The following COL15A1 variants were observed in gnomAD, a reference collection of about 807,000 sequenced individuals.
COL15A1 encodes the protein collagen type XV alpha 1 chain, also known as collagen alpha-1(XV) chain.
A neutral mutation model predicts 165.9 loss-of-function variants in COL15A1; 111 were observed. That is an observed-to-expected ratio of 0.67 (90% CI 0.57 to 0.78). The LOEUF is 0.78. Among genes scored for constraint, COL15A1 ranks in the 30% least tolerant of loss-of-function variants. COL15A1 has a pLI of 0.00. For missense variants in COL15A1, 1,745 were observed against 1,789.7 expected (o/e 0.98, Z 0.45); for synonymous variants, 659 against 674.8 (o/e 0.98, Z 0.36).
At chr9:98,993,455 T>A (rs1024307578) in intron 5 of COL15A1, among the ~76,000 whole-genome samples, 1 of 152,216 alleles carries the variant, frequency 6.6e-6, no homozygotes, top group Admixed American at 6.5e-5. Flanking sequence ...CGAGGCCTGA[T>A]GGTCCTGACC....
intron 2 of COL15A1, among the ~76,000 whole-genome samples, chr9:98,967,744 G>A (rs145766237): frequency 1.4e-3 from 207 of 152,298 alleles, no homozygotes; most frequent in African/African-American, 4.7e-3. Context: ...TGCACCAGAC[G>A]TCTGTGCTGC....
In COL15A1 at chr9:99,042,077, A is replaced by G. The variant is rs757213758; in HGVS notation, c.2544A>G (p.Leu848=). ...GAGGACCAAAAGGTGACACTGGTTTACCTGGCTTTCCAGGACTAAAAGGAG... is the reference window on the plus strand; with the variant it reads ...GAGGACCAAAAGGTGACACTGGTTTGCCTGGCTTTCCAGGACTAAAAGGAG... The part of the protein sequence containing the change: ...GPRGPKGDTG[L]PGFPGLKGEQ... The change falls in exon 24 of 42, where the codon TTA becomes TTG. Residue 848 remains leucine (L), a synonymous_variant. Coordinates refer to ENST00000375001, the MANE Select transcript of COL15A1 (RefSeq NM_001855.5). 2.5e-6 allele frequency: 4 copies of G among 1,612,142 alleles called. No individual in the cohort carries two copies. Among genetic ancestry groups the G allele is most frequent in the Non-Finnish European group, 3.4e-6 (4 of 1,178,812 alleles).
intron 8 of COL15A1, among the ~76,000 whole-genome samples, chr9:99,003,936 A>G (rs1335826183): frequency 6.6e-6 from 1 of 152,136 alleles, no homozygotes; most frequent in Non-Finnish European, 1.5e-5. Flanking sequence ...GGGGGCACAG[A>G]AGTTTCCTGG....
intron 2 of COL15A1, among the ~76,000 whole-genome samples, chr9:98,971,118 T>C (rs1375520955): frequency 6.6e-6 from 1 of 152,088 alleles, no homozygotes; most frequent in African/African-American, 2.4e-5. Flanking sequence ...CCCTGGAAAA[T>C]ACTGCTTGAA....
At chr9:99,027,960 T>G (rs1162475505) in intron 16 of COL15A1, among the ~76,000 whole-genome samples, 1 of 152,260 alleles carries the variant, frequency 6.6e-6, no homozygotes, top group Non-Finnish European at 1.5e-5. Context: ...TTCAGGGCTG[T>G]AGTAGATCAT....
At chr9:99,042,987 G>T (rs985617950) in intron 24 of COL15A1, among the ~76,000 whole-genome samples, 1 of 152,182 alleles carries the variant, frequency 6.6e-6, no homozygotes. Flanking sequence ...ATAGAAATAA[G>T]ATGAGGAAGA....
At chr9:99,050,976 T>A (rs1221834582) in intron 30 of COL15A1, among the ~76,000 whole-genome samples, 1 of 152,218 alleles carries the variant, frequency 6.6e-6, no homozygotes, top group Non-Finnish European at 1.5e-5. Context: ...ACTAACGGGC[T>A]CCAGGCTCTA....
chr9:99,049,084 C>G (rs1839541172), intron 28 of COL15A1, among the ~76,000 whole-genome samples: 1 of 152,232 alleles, frequency 6.6e-6, no homozygotes, highest in Admixed American at 6.5e-5. Context: ...AATACACTTT[C>G]TGCATGAACT....
Position 99,062,303 on chromosome 9 carries a change from A to G in COL15A1, c.3590A>G (p.Asn1197Ser). 6.2e-7 allele frequency: 1 copy of G among 1,609,014 alleles called. No individual in the cohort carries two copies. Among genetic ancestry groups the G allele is most frequent in the Non-Finnish European group, 8.5e-7 (1 of 1,175,222 alleles). ...DSPPPPALSSNPHQLLPPPNP... is the reference protein window; with the variant it reads ...DSPPPPALSSSPHQLLPPPNP... Reference sequence around the variant, plus strand: ...CCTCCACCCCCTGCGCTTTCCAGCAACGTGAGTAGTTACCCTGTTGGACTG... The same window carrying G: ...CCTCCACCCCCTGCGCTTTCCAGCAGCGTGAGTAGTTACCCTGTTGGACTG... The change falls in exon 38 of 42, where the codon AAC (asparagine) becomes AGC (serine). Residue 1197 changes from asparagine (N) to serine (S), a missense_variant and splice_region_variant. Physicochemically the swap from Asn to Ser is conservative, Grantham distance 46. Transcript: ENST00000375001.
chr9:99,045,902 G>C (rs912348980), intron 26 of COL15A1, among the ~76,000 whole-genome samples: 19 of 152,234 alleles, frequency 1.2e-4, no homozygotes, highest in Non-Finnish European at 2.2e-4. Context: ...TCACATTTCT[G>C]TAACAGACTT....
intron 2 of COL15A1, among the ~76,000 whole-genome samples, chr9:98,976,911 G>A (rs969077066): frequency 1.3e-5 from 2 of 152,180 alleles, no homozygotes; most frequent in Non-Finnish European, 2.9e-5. Flanking sequence ...AGGAGGTGAT[G>A]ACATTGAAGT....
intron 14 of COL15A1, among the ~76,000 whole-genome samples, chr9:99,024,003 C>T (rs566254636): frequency 6.6e-6 from 1 of 152,196 alleles, no homozygotes; most frequent in Non-Finnish European, 1.5e-5. Flanking sequence ...CTGAAATTGC[C>T]CCCTGGGGAG....
intron 24 of COL15A1, among the ~76,000 whole-genome samples, chr9:99,042,740 T>G (rs1257124324): frequency 6.6e-6 from 1 of 152,230 alleles, no homozygotes; most frequent in East Asian, 1.9e-4. Context: ...CTGGAATAAA[T>G]ACTTAGCACA....
chr9:99,030,974 G>A (rs1006551175), intron 16 of COL15A1, among the ~76,000 whole-genome samples: 1 of 152,226 alleles, frequency 6.6e-6, no homozygotes, highest in Non-Finnish European at 1.5e-5. Context: ...TCCACTGCAG[G>A]TGGAAGGTCA....
chr9:99,047,663 G>A (rs1215118949), intron 26 of COL15A1, 123 bp from the exon 27 acceptor site: 1 of 1,006,560 alleles, frequency 9.9e-7, no homozygotes, highest in Non-Finnish European at 1.6e-6. Context: ...CTGGCTCCCT[G>A]CCCTCCTTCC....
intron 11 of COL15A1, among the ~76,000 whole-genome samples, chr9:99,018,557 C>T (rs1466010262): frequency 6.6e-6 from 1 of 152,092 alleles, no homozygotes; most frequent in Non-Finnish European, 1.5e-5. Context: ...TAAAAAAAGG[C>T]TTTGTTTACA....
intron 2 of COL15A1, among the ~76,000 whole-genome samples, chr9:98,950,017 A>T (rs945842913): frequency 6.6e-6 from 1 of 152,220 alleles, no homozygotes; most frequent in African/African-American, 2.4e-5. Context: ...ATGTGTCAGT[A>T]CTTCATGCCT....
At chr9:98,975,822 A>T (rs1486094435) in intron 2 of COL15A1, among the ~76,000 whole-genome samples, 1 of 151,916 alleles carries the variant, frequency 6.6e-6, no homozygotes, top group Admixed American at 6.6e-5. Flanking sequence ...AGGAGGGGGG[A>T]TGACTTTGGC....
At position 99,070,521 on chromosome 9, in the gene COL15A1, T is replaced by G. The variant is rs1345504059; in HGVS notation, c.*635T>G. ...TGGTGTCTGTTTATGTAACTCTGAC[T>G]TGCTGGAAAAGTTGAAACTCCAAAT... On this transcript the variant is annotated 3_prime_UTR_variant, in exon 42 of 42. Coordinates refer to ENST00000375001, the MANE Select transcript of COL15A1 (RefSeq NM_001855.5). 1 of 327,318 alleles carries G rather than the reference T, an allele frequency of 3.1e-6. No homozygotes were observed. Among genetic ancestry groups the G allele is most frequent in the Non-Finnish European group, 6.1e-6 (1 of 163,248 alleles). 20.3% of individuals were successfully genotyped at this position (327,318 alleles called of 1,614,324 possible). A position where few individuals can be genotyped will look rare whatever the true frequency, so the allele number is the denominator to read the frequency against.
Sources: gnomAD v4.1 joint callset for allele counts (sites outside exome capture counted in the v4.1 genomes callset) on GRCh38, gnomAD v4.1.1 for gene constraint, MANE v1.5 for transcripts, NCBI Gene and HGNC (gene_info 2026-07-23, HGNC 2026-07-21) for gene names.